JPH3: variants seen among roughly 807,000 people sequenced by gnomAD.
JPH3 encodes junctophilin 3, also known as junctophilin-3.
In JPH3, 11 loss-of-function variants were observed where a neutral mutation model predicts 59.6. That is an observed-to-expected ratio of 0.18 (90% CI 0.12 to 0.31). JPH3 has a LOEUF of 0.31. Ranked by LOEUF, JPH3 falls within the 10% of genes least tolerant of loss-of-function variation. The pLI, the probability that JPH3 is intolerant of heterozygous loss-of-function variation, is 1.00. For missense variants in JPH3, 1,202 were observed against 1,105.7 expected (o/e 1.09, Z -1.24); for synonymous variants, 673 against 483.6 (o/e 1.39, Z -5.14).
At chr16:87,663,533 T>A (rs1359283221) in intron 2 of JPH3, among the ~76,000 whole-genome samples, 2 of 152,246 alleles carry the variant, frequency 1.3e-5, no homozygotes, top group African/African-American at 4.8e-5. Flanking sequence ...GTTTCCCGTT[T>A]TCCTTTGTGA....
intron 2 of JPH3, among the ~76,000 whole-genome samples, chr16:87,674,446 C>T (rs1243059281): frequency 3.3e-5 from 5 of 152,244 alleles, no homozygotes; most frequent in African/African-American, 9.6e-5. Flanking sequence ...TGTCCTGTGA[C>T]GGAGTCTTGT....
At chr16:87,659,372 C>T (rs1567603466) in intron 2 of JPH3, among the ~76,000 whole-genome samples, 2 of 39,826 alleles carry the variant, frequency 5.0e-5, no homozygotes, top group Non-Finnish European at 8.6e-5. Context: ...GTAAGACTGT[C>T]TCAAAAAAAA....
At chr16:87,667,706 C>T (rs1215900089) in intron 2 of JPH3, among the ~76,000 whole-genome samples, 1 of 152,222 alleles carries the variant, frequency 6.6e-6, no homozygotes, top group Non-Finnish European at 1.5e-5. Context: ...CGGAGCTTCC[C>T]CTGGTGTAGG....
chr16:87,612,164 C>T (rs1319928074), intron 1 of JPH3, among the ~76,000 whole-genome samples: 6 of 152,142 alleles, frequency 3.9e-5, no homozygotes, highest in Admixed American at 1.3e-4. Context: ...CTCCGTCTGT[C>T]GTCCTGGCGT....
At chr16:87,630,417 C>A (rs1453363758) in intron 1 of JPH3, among the ~76,000 whole-genome samples, 1 of 152,334 alleles carries the variant, frequency 6.6e-6, no homozygotes, top group Admixed American at 6.5e-5. Flanking sequence ...AGATCACGAA[C>A]CTGCCCCTTC....
rs1597227842 is a variant in JPH3, at chr16:87,602,728, G to C, written c.-419G>C. Reference sequence around the variant, plus strand: ...GCAGCGCGGCAGCCGCAGGTGGGGGGCCGCGGCCCGGGCCTGAGCTGCCCC... The same window carrying C: ...GCAGCGCGGCAGCCGCAGGTGGGGGCCCGCGGCCCGGGCCTGAGCTGCCCC... On this transcript the variant is annotated 5_prime_UTR_variant, in exon 1 of 5. Transcript: ENST00000284262. Among the ~76,000 whole-genome samples, 1 of 137,604 alleles carries C rather than the reference G, an allele frequency of 7.3e-6. No homozygotes were observed. The highest frequency in any genetic ancestry group is 7.0e-5 in the Admixed American group (1 of 14,256). The allele number at this position is 137,604 out of a possible 152,430, so 90.3% of individuals were successfully genotyped here.
chr16:87,605,797 C>A (rs955656953), intron 1 of JPH3, among the ~76,000 whole-genome samples: 11 of 152,330 alleles, frequency 7.2e-5, no homozygotes, highest in African/African-American at 2.6e-4. Flanking sequence ...TGGGACCAAA[C>A]CCCCCTCGTT....
At chr16:87,647,218 G>A (rs1435284959) in intron 2 of JPH3, among the ~76,000 whole-genome samples, 1 of 152,054 alleles carries the variant, frequency 6.6e-6, no homozygotes, top group Non-Finnish European at 1.5e-5. Context: ...CCAGGGGCTG[G>A]GCCGGGAGGG....
chr16:87,665,903 A>G (rs2032845476), intron 2 of JPH3, among the ~76,000 whole-genome samples: 1 of 152,102 alleles, frequency 6.6e-6, no homozygotes, highest in African/African-American at 2.4e-5. Flanking sequence ...GTCAGTTCCC[A>G]TCGCTGCCCC....
chr16:87,636,404 T>C (rs1406079662), intron 1 of JPH3, among the ~76,000 whole-genome samples: 1 of 152,224 alleles, frequency 6.6e-6, no homozygotes, highest in Non-Finnish European at 1.5e-5. Flanking sequence ...GTGGCCGAGC[T>C]GATGGTGCAG....
chr16:87,670,471 G>T (rs907709679), intron 2 of JPH3, among the ~76,000 whole-genome samples: 7 of 152,206 alleles, frequency 4.6e-5, no homozygotes, highest in Admixed American at 1.3e-4. Context: ...CAGGATCCAA[G>T]CAGTGGACTG....
At chr16:87,641,990 TGGG>T (rs779814910) in intron 1 of JPH3, among the ~76,000 whole-genome samples, 1 of 148,354 alleles carries the variant, frequency 6.7e-6, no homozygotes, top group Non-Finnish European at 1.5e-5. Context: ...GGAGGAGGGG[TGGG>T]GCTGGCTTGG....
At chr16:87,643,533 C>T (rs779432173) in intron 1 of JPH3, among the ~76,000 whole-genome samples, 11 of 152,224 alleles carry the variant, frequency 7.2e-5, no homozygotes, top group Admixed American at 7.2e-4. Context: ...CACTGTCTCC[C>T]AGAGCAGCCC....
intron 2 of JPH3, among the ~76,000 whole-genome samples, chr16:87,679,986 G>A (rs944007622): frequency 2.6e-5 from 4 of 152,202 alleles, no homozygotes; most frequent in African/African-American, 9.6e-5. Flanking sequence ...TGGGGGGCCT[G>A]TGGACCCCGC....
chr16:87,625,078 C>T lies in JPH3; in HGVS notation c.383-19180C>T, dbSNP rs111383857. 5.4e-3 allele frequency among the ~76,000 whole-genome samples: 830 copies of T among 152,330 alleles called. 9 individuals carry two copies. Among genetic ancestry groups the T allele is most frequent in the African/African-American group, 0.019 (773 of 41,580 alleles). ...CCTCCCAAAGTGCTGGGATTACAGG[C>T]GTGAGCTGCCTCACCTGGCCTTATT... On this transcript the variant is annotated intron_variant, in intron 1 of 4. Transcript: ENST00000284262.
At chr16:87,638,921 T>C (rs1249115132) in intron 1 of JPH3, among the ~76,000 whole-genome samples, 1 of 152,132 alleles carries the variant, frequency 6.6e-6, no homozygotes, top group East Asian at 1.9e-4. Context: ...GCCCCCAGCC[T>C]GGTGCCTTTG....
chr16:87,625,833 T>C (rs2031354448), intron 1 of JPH3, among the ~76,000 whole-genome samples: 1 of 151,946 alleles, frequency 6.6e-6, no homozygotes, highest in Admixed American at 6.6e-5. Context: ...CGCAGCGGCT[T>C]GTAGACAGCG....
At chr16:87,656,567 G>T (rs1272576798) in intron 2 of JPH3, among the ~76,000 whole-genome samples, 1 of 152,188 alleles carries the variant, frequency 6.6e-6, no homozygotes, top group African/African-American at 2.4e-5. Flanking sequence ...GCAGTGTTTG[G>T]GGGCAACACC....
At chr16:87,642,023 G>C (rs1366890272) in intron 1 of JPH3, among the ~76,000 whole-genome samples, 1 of 152,208 alleles carries the variant, frequency 6.6e-6, no homozygotes, top group African/African-American at 2.4e-5. Context: ...GATTCGATTG[G>C]AGGGTGGGAG....
Sources: gnomAD v4.1 joint callset for allele counts (sites outside exome capture counted in the v4.1 genomes callset) on GRCh38, gnomAD v4.1.1 for gene constraint, MANE v1.5 for transcripts, NCBI Gene and HGNC (gene_info 2026-07-23, HGNC 2026-07-21) for gene names.